Variants in HMGA2 observed in about 807,000 individuals in gnomAD.
HMGA2 encodes the protein high mobility group AT-hook 2, also known as high mobility group protein HMGI-C.
A neutral mutation model predicts 19.1 loss-of-function variants in HMGA2; 8 were observed. The observed-to-expected ratio is 0.42, with a 90% CI of 0.25 to 0.76. The LOEUF is 0.76. Ranked by LOEUF, HMGA2 falls within the 30% of genes least tolerant of loss-of-function variation. The pLI, the probability that HMGA2 is intolerant of heterozygous loss-of-function variation, is 0.28. For missense variants in HMGA2, 109 were observed against 136.3 expected (o/e 0.80, Z 1.00); for synonymous variants, 60 against 48.8 (o/e 1.23, Z -0.96).
At position 65,924,932 on chromosome 12, in the gene HMGA2, G is replaced by A. The variant is rs1418436958; in HGVS notation, c.250-26451G>A. On this transcript the variant is annotated intron_variant, in intron 3 of 4. Coordinates refer to ENST00000403681, the MANE Select transcript of HMGA2 (RefSeq NM_003483.6). ...CCGTTCTGTCATATTTCTAGAGTGGGGCTGGCAATAAAACTATCAGAGAAG... is the reference window on the plus strand; with the variant it reads ...CCGTTCTGTCATATTTCTAGAGTGGAGCTGGCAATAAAACTATCAGAGAAG... Among the ~76,000 whole-genome samples, 4 of 152,020 alleles carry A rather than the reference G, an allele frequency of 2.6e-5. No individual in the cohort carries two copies. The East Asian group carries it at 7.7e-4, about 29-fold the overall frequency.
intron 3 of HMGA2, among the ~76,000 whole-genome samples, chr12:65,945,410 C>A (rs767799853): frequency 5.3e-5 from 8 of 152,074 alleles, no homozygotes; most frequent in South Asian, 2.1e-4. Flanking sequence ...TGATAATGGT[C>A]ATCCTCCTTC....
At chr12:65,873,790 T>C (rs1872832132) in intron 3 of HMGA2, 2 of 152,330 alleles carry the variant, frequency 1.3e-5, no homozygotes, top group South Asian at 4.1e-4. Flanking sequence ...GCTTGTGGTA[T>C]TTGCCCGTGC....
intron 3 of HMGA2, chr12:65,948,508 T>C (rs987910354): frequency 5.3e-5 from 8 of 152,220 alleles, no homozygotes; most frequent in African/African-American, 1.9e-4. Context: ...GGTGGTAGTA[T>C]TATGCTTCAG....
chr12:65,941,534 T>C (rs1312956243), intron 3 of HMGA2, among the ~76,000 whole-genome samples: 1 of 152,166 alleles, frequency 6.6e-6, no homozygotes, highest in Non-Finnish European at 1.5e-5. Context: ...AGTGCTAAAT[T>C]AGGCTTCTAG....
chr12:65,935,166 A>AC (rs1466596921), intron 3 of HMGA2: 1 of 152,218 alleles, frequency 6.6e-6, no homozygotes, highest in Non-Finnish European at 1.5e-5. Context: ...GATTGTTCCA[A>AC]CATTCAAGCT....
chr12:65,831,051 T>G (rs905822392), intron 2 of HMGA2: 1 of 151,946 alleles, frequency 6.6e-6, no homozygotes, highest in African/African-American at 2.4e-5. Flanking sequence ...AGTTAAAGTT[T>G]TCCTGAATAA....
intron 3 of HMGA2, among the ~76,000 whole-genome samples, chr12:65,918,633 C>G (rs1875193947): frequency 6.6e-6 from 1 of 152,104 alleles, no homozygotes; most frequent in Admixed American, 6.5e-5. Flanking sequence ...TTTTCTCAAA[C>G]TTTTAAGAAA....
chr12:65,879,368 A>G (rs531474694), intron 3 of HMGA2, among the ~76,000 whole-genome samples: 10 of 152,138 alleles, frequency 6.6e-5, no homozygotes, highest in African/African-American at 2.4e-4. Flanking sequence ...GGCTCAAGCA[A>G]TCCACCCACC....
chr12:65,918,039 T>TTAAACTTGGA (rs1420071886), intron 3 of HMGA2, among the ~76,000 whole-genome samples: 17 of 152,320 alleles, frequency 1.1e-4, no homozygotes, highest in Admixed American at 1.0e-3. Flanking sequence ...GAGTAGGCTT[T>TTAAACTTGGA]TAAACTTGGA....
intron 3 of HMGA2, chr12:65,842,789 A>G: frequency 7.3e-7 from 1 of 1,373,444 alleles, no homozygotes; most frequent in Non-Finnish European, 9.4e-7. Flanking sequence ...AATTATTTGC[A>G]TTTTTCTATT....
At chr12:65,834,679 C>T (rs1365910026) in intron 2 of HMGA2, among the ~76,000 whole-genome samples, 1 of 151,864 alleles carries the variant, frequency 6.6e-6, no homozygotes, top group Non-Finnish European at 1.5e-5. Context: ...TGAACACCTC[C>T]TGTACACGAG....
At chr12:65,852,439 G>T (rs552942216) in intron 3 of HMGA2, among the ~76,000 whole-genome samples, 1 of 152,218 alleles carries the variant, frequency 6.6e-6, no homozygotes, top group African/African-American at 2.4e-5. Context: ...GGAGGTGGAG[G>T]TTGCAGTGAG....
At chr12:65,904,494 A>AT (rs554195334) in intron 3 of HMGA2, among the ~76,000 whole-genome samples, 2 of 152,156 alleles carry the variant, frequency 1.3e-5, no homozygotes, top group African/African-American at 2.4e-5. Flanking sequence ...TCTTTAACTG[A>AT]TTTTTTTGCT....
intron 3 of HMGA2, among the ~76,000 whole-genome samples, chr12:65,932,659 G>C (rs1028226093): frequency 1.3e-5 from 2 of 152,322 alleles, no homozygotes; most frequent in Non-Finnish European, 1.5e-5. Flanking sequence ...AAATAGTGTG[G>C]AATGTATTTA....
intron 3 of HMGA2, chr12:65,915,114 C>T (rs757657053): frequency 2.5e-6 from 4 of 1,613,726 alleles, no homozygotes; most frequent in East Asian, 2.2e-5. Context: ...GGAAACAGTA[C>T]CAAAAGGAGT....
At chr12:65,867,109 A>G (rs1872463722) in intron 3 of HMGA2, among the ~76,000 whole-genome samples, 1 of 152,210 alleles carries the variant, frequency 6.6e-6, no homozygotes, top group Non-Finnish European at 1.5e-5. Flanking sequence ...GCAGGGAGTT[A>G]AATAACTAGC....
chr12:65,898,964 A>G (rs977946119), intron 3 of HMGA2, among the ~76,000 whole-genome samples: 11 of 149,528 alleles, frequency 7.4e-5, no homozygotes, highest in African/African-American at 2.5e-4. Context: ...GAATGGCATG[A>G]ACCCGGGAGG....
At position 65,930,749 on chromosome 12, in the gene HMGA2, G is replaced by A. The variant is rs556144454; in HGVS notation, c.250-20634G>A. Among the ~76,000 whole-genome samples the A allele has an allele frequency of 1.8e-4, 27 of 152,242 alleles. No homozygotes were observed. In the South Asian group the frequency reaches 4.6e-3, roughly 26 times the overall value. On this transcript the variant is annotated intron_variant, in intron 3 of 4. Transcript: ENST00000403681. ...ACCTTTGGGGAAATTGGTATTACGA[G>A]CTGACTTTGGAAAATTAAAATAGCA... is the stretch of plus-strand genomic sequence containing the variant.
chr12:65,914,576 C>T (rs369235097), intron 3 of HMGA2: 7 of 209,112 alleles, frequency 3.3e-5, no homozygotes, highest in East Asian at 1.1e-4. Flanking sequence ...CGCACCAGCA[C>T]GGCACATGTA....
Sources: gnomAD v4.1 joint callset for allele counts (sites outside exome capture counted in the v4.1 genomes callset) on GRCh38, gnomAD v4.1.1 for gene constraint, MANE v1.5 for transcripts, NCBI Gene and HGNC (gene_info 2026-07-23, HGNC 2026-07-21) for gene names.